The following DLGAP2 variants were observed in gnomAD, a reference collection of about 807,000 sequenced individuals.
The protein encoded by DLGAP2 is disks large-associated protein 2.
DLGAP2 carries 26 observed loss-of-function variants against 100.3 expected under a neutral mutation model. The observed-to-expected ratio is 0.26, with a 90% CI of 0.19 to 0.36. DLGAP2 has a LOEUF of 0.36. Among genes scored for constraint, DLGAP2 ranks in the 10% least tolerant of loss-of-function variants. DLGAP2 has a pLI of 1.00. For synonymous variants in DLGAP2, 886 were observed against 630.1 expected (o/e 1.41, Z -6.08); for missense variants, 1,858 against 1,453.2 (o/e 1.28, Z -4.53).
intron 2 of DLGAP2, among the ~76,000 whole-genome samples, chr8:1,242,704 G>C (rs116129853): frequency 2.2e-3 from 336 of 152,290 alleles, no homozygotes; most frequent in African/African-American, 7.8e-3. Context: ...CCCACAGTGA[G>C]TGAGTGCATA....
intron 4 of DLGAP2, among the ~76,000 whole-genome samples, chr8:1,510,349 C>T (rs1304122376): frequency 6.6e-6 from 1 of 152,164 alleles, no homozygotes; most frequent in Non-Finnish European, 1.5e-5. Flanking sequence ...CCTCGTTGCC[C>T]CAGATGTCAG....
chr8:1,202,347 G>A (rs1797897890), intron 2 of DLGAP2, among the ~76,000 whole-genome samples: 1 of 151,810 alleles, frequency 6.6e-6, no homozygotes, highest in Admixed American at 6.6e-5. Context: ...CCAGGGGCAG[G>A]CACGGCTCCT....
chr8:1,257,000 A>G (rs978441907), intron 2 of DLGAP2, among the ~76,000 whole-genome samples: 5 of 151,782 alleles, frequency 3.3e-5, no homozygotes, highest in African/African-American at 1.2e-4. Flanking sequence ...CCTGCGTCCG[A>G]TGGCTTCTAC....
At chr8:981,881 G>C (rs1247903176) in intron 2 of DLGAP2, among the ~76,000 whole-genome samples, 1 of 152,212 alleles carries the variant, frequency 6.6e-6, no homozygotes, top group Non-Finnish European at 1.5e-5. Context: ...TCCACAAAGA[G>C]TTTGAACTTT....
chr8:939,163 G>A (rs1365187809), intron 2 of DLGAP2, among the ~76,000 whole-genome samples: 3 of 133,762 alleles, frequency 2.2e-5, no homozygotes, highest in Non-Finnish European at 4.8e-5. Flanking sequence ...AGGGGCTGGG[G>A]TGCCTGGGAG....
intron 2 of DLGAP2, among the ~76,000 whole-genome samples, chr8:1,245,854 G>A (rs1000983249): frequency 1.3e-5 from 2 of 152,184 alleles, no homozygotes; most frequent in African/African-American, 4.8e-5. Flanking sequence ...TGGAGACCCC[G>A]AGGTACACGG....
chr8:1,700,964 C>A (rs1012989416), intron 14 of DLGAP2, among the ~76,000 whole-genome samples: 5 of 152,216 alleles, frequency 3.3e-5, no homozygotes, highest in Non-Finnish European at 5.9e-5. Flanking sequence ...GCCTCTGCCC[C>A]CTTTGGAGAG....
rs73168469 is a variant in DLGAP2 at position 1,249,031 on chromosome 8, T to C, written c.74-9820T>C. 3.2e-3 allele frequency among the ~76,000 whole-genome samples: 487 copies of C among 152,268 alleles called. 4 individuals carry two copies. Among genetic ancestry groups the C allele is most frequent in the Non-Finnish European group, 3.7e-3 (250 of 68,036 alleles). On this transcript the variant is annotated intron_variant, in intron 2 of 14. Transcript: ENST00000637795. ...CCATGTTTAGGAGAGAGGCCCTTTA[T>C]GCTGCTGTGACATTGAAGAGACTAA...
intron 3 of DLGAP2, chr8:1,369,751 CTT>C (rs1200078320): frequency 6.6e-6 from 1 of 152,320 alleles, no homozygotes; most frequent in African/African-American, 2.4e-5. Context: ...CCTCTGAACT[CTT>C]TTAACATTTT....
intron 6 of DLGAP2, among the ~76,000 whole-genome samples, chr8:1,606,924 A>G (rs1796818706): frequency 6.6e-6 from 1 of 152,200 alleles, no homozygotes; most frequent in Admixed American, 6.5e-5. Context: ...AGCTCGAGAG[A>G]TCCACCTACC....
intron 1 of DLGAP2, among the ~76,000 whole-genome samples, chr8:812,725 G>A (rs1185252468): frequency 1.3e-5 from 2 of 152,152 alleles, no homozygotes; most frequent in African/African-American, 4.8e-5. Flanking sequence ...TAAGGACGGG[G>A]ATAACAGATT....
At chr8:1,144,785 G>T (rs1796577419) in intron 2 of DLGAP2, among the ~76,000 whole-genome samples, 1 of 152,230 alleles carries the variant, frequency 6.6e-6, no homozygotes. Context: ...TGTACCCACA[G>T]TCAAACCACA....
chr8:1,072,303 T>A (rs957436515), intron 2 of DLGAP2, among the ~76,000 whole-genome samples: 2 of 152,130 alleles, frequency 1.3e-5, no homozygotes, highest in African/African-American at 4.8e-5. Context: ...TGTAATAACA[T>A]TTTGGAAAGA....
intron 2 of DLGAP2, among the ~76,000 whole-genome samples, chr8:1,232,195 G>T (rs1563267869): frequency 6.6e-6 from 1 of 152,214 alleles, no homozygotes; most frequent in African/African-American, 2.4e-5. Context: ...AGAACAAACT[G>T]TCACTTTGCA....
intron 3 of DLGAP2, among the ~76,000 whole-genome samples, chr8:1,370,866 T>C (rs1238930280): frequency 6.6e-6 from 1 of 152,136 alleles, no homozygotes; most frequent in Admixed American, 6.5e-5. Flanking sequence ...CACAGGACTG[T>C]TGTAAGGATT....
At chr8:960,209 G>A (rs1049124248) in intron 2 of DLGAP2, among the ~76,000 whole-genome samples, 19 of 110,454 alleles carry the variant, frequency 1.7e-4, no homozygotes, top group Admixed American at 2.7e-4. Context: ...TTATTTCCAA[G>A]TTTTGGGCAA....
intron 5 of DLGAP2, among the ~76,000 whole-genome samples, chr8:1,562,697 G>A (rs373777503): frequency 4.1e-3 from 76 of 18,636 alleles, no homozygotes; most frequent in South Asian, 9.0e-3. Context: ...TTACTGGGGG[G>A]CTGTGTGGTG....
chr8:920,376 C>T (rs527879300), intron 2 of DLGAP2, among the ~76,000 whole-genome samples: 2 of 152,366 alleles, frequency 1.3e-5, no homozygotes, highest in African/African-American at 4.8e-5. Flanking sequence ...TTCCCAGGTT[C>T]AAGGACTGTA....
intron 1 of DLGAP2, among the ~76,000 whole-genome samples, chr8:785,181 C>T (rs1332026590): frequency 2.5e-5 from 3 of 121,424 alleles, no homozygotes; most frequent in Admixed American, 2.0e-4. Context: ...CGTGCCACTG[C>T]ATTTTGGCCT....
Sources: allele counts gnomAD v4.1 joint callset (sites outside exome capture counted in the v4.1 genomes callset), GRCh38; gene constraint gnomAD v4.1.1; transcripts MANE v1.5; gene names NCBI Gene and HGNC (gene_info 2026-07-23, HGNC 2026-07-21).